The following PALM2AKAP2 variants were observed in gnomAD, a reference collection of about 807,000 sequenced individuals.
PALM2AKAP2 encodes PALM2-AKAP2 fusion protein.
A neutral mutation model predicts 71.5 loss-of-function variants in PALM2AKAP2; 37 were observed. The ratio of observed to expected loss-of-function variants is 0.52; its 90% CI spans 0.40 to 0.68. The LOEUF (loss-of-function observed/expected upper bound fraction) is 0.68, where lower values mean the gene tolerates loss of function less well. Ranked by LOEUF, PALM2AKAP2 falls within the 30% of genes least tolerant of loss-of-function variation. The probability of loss-of-function intolerance (pLI) is 0.00; values close to 1 mark genes in which losing one functional copy is unlikely to be tolerated. For missense variants in PALM2AKAP2, 1,224 were observed against 1,191.8 expected (o/e 1.03, Z -0.40); for synonymous variants, 468 against 478.8 (o/e 0.98, Z 0.29).
chr9:109,922,421 C>CAAAAAAAAAAA (rs398011831), intron 3 of PALM2AKAP2, among the ~76,000 whole-genome samples: 2 of 19,238 alleles, frequency 1.0e-4, no homozygotes, highest in African/African-American at 2.1e-4. Context: ...GACTCTATCT[C>CAAAAAAAAAAA]AAAAAAAAAA....
At position 110,126,809 on chromosome 9, in the gene PALM2AKAP2, A is replaced by G. The variant is rs533038929; in HGVS notation, c.157-9318A>G. On this transcript the variant is annotated intron_variant, in intron 1 of 3. Transcript: ENST00000374525. ...TTCTTTCACAGAAAGCCCAAGCTGT[A>G]AATATATTCATCAAATAACACCTTA... Among the ~76,000 whole-genome samples the G allele has an allele frequency of 2.0e-5, 3 of 152,342 alleles. No individual in the cohort carries two copies. The South Asian group carries it at 6.2e-4, about 32-fold the overall frequency.
chr9:109,864,689 A>G (rs1022845513), intron 1 of PALM2AKAP2, among the ~76,000 whole-genome samples: 3 of 152,226 alleles, frequency 2.0e-5, no homozygotes, highest in Non-Finnish European at 4.4e-5. Flanking sequence ...TTGAACTACA[A>G]TGGTAGCATT....
Position 109,864,226 on chromosome 9 carries a change from C to T in PALM2AKAP2, c.46-3265C>T, listed in dbSNP as rs142281148. On this transcript the variant is annotated intron_variant, in intron 1 of 9. Transcript: ENST00000302798. ...GCTGCCTGGTTGTATGTGCTAACAACTGCTTAGTTCCAAATTCTAACCCAA... is the reference window on the plus strand; with the variant it reads ...GCTGCCTGGTTGTATGTGCTAACAATTGCTTAGTTCCAAATTCTAACCCAA... 4.4e-4 allele frequency among the ~76,000 whole-genome samples: 67 copies of T among 152,324 alleles called. 1 individual carries two copies. The East Asian group carries it at 0.011, about 26-fold the overall frequency.
chr9:109,914,876 A>G (rs1240880773), intron 3 of PALM2AKAP2, among the ~76,000 whole-genome samples: 1 of 152,112 alleles, frequency 6.6e-6, no homozygotes, highest in Non-Finnish European at 1.5e-5. Context: ...GGGTCCTGAG[A>G]ATTTTGTGAG....
At chr9:110,109,740 C>G (rs954551554) in intron 1 of PALM2AKAP2, among the ~76,000 whole-genome samples, 6 of 152,020 alleles carry the variant, frequency 3.9e-5, no homozygotes, top group Admixed American at 2.6e-4. Flanking sequence ...AAGGGCATGC[C>G]TATGTGGAGG....
intron 1 of PALM2AKAP2, among the ~76,000 whole-genome samples, chr9:109,741,450 T>C (rs923232317): frequency 6.6e-6 from 1 of 152,330 alleles, no homozygotes; most frequent in Middle Eastern, 3.4e-3. Flanking sequence ...GCATATACGT[T>C]TGCATTTCTC....
intron 1 of PALM2AKAP2, among the ~76,000 whole-genome samples, chr9:109,839,045 A>G (rs1828573881): frequency 6.6e-6 from 1 of 152,236 alleles, no homozygotes; most frequent in Non-Finnish European, 1.5e-5. Flanking sequence ...TGAGGCCAGC[A>G]TCATCCTGAT....
chr9:109,997,153 G>C (rs1832590300), intron 6 of PALM2AKAP2, among the ~76,000 whole-genome samples: 1 of 152,146 alleles, frequency 6.6e-6, no homozygotes, highest in Non-Finnish European at 1.5e-5. Flanking sequence ...TCACGCCACT[G>C]CATGCCAGCC....
intron 3 of PALM2AKAP2, among the ~76,000 whole-genome samples, chr9:109,922,922 T>TG (rs1320925305): frequency 6.6e-6 from 1 of 152,232 alleles, no homozygotes; most frequent in Admixed American, 6.5e-5. Context: ...GGGGATTCCC[T>TG]ACTCACAGGG....
At chr9:109,768,029 G>T (rs1464121908) in intron 1 of PALM2AKAP2, among the ~76,000 whole-genome samples, 1 of 63,260 alleles carries the variant, frequency 1.6e-5, no homozygotes, top group Non-Finnish European at 2.5e-5. Flanking sequence ...AGGAAGGAAG[G>T]AAAGAAAAAG....
At chr9:109,683,918 C>A (rs1472368684) in intron 1 of PALM2AKAP2, among the ~76,000 whole-genome samples, 3 of 151,306 alleles carry the variant, frequency 2.0e-5, no homozygotes, top group African/African-American at 2.4e-5. Context: ...ATAATGATCC[C>A]CATTTTACAG....
intron 1 of PALM2AKAP2, among the ~76,000 whole-genome samples, chr9:110,058,445 G>A (rs1833892304): frequency 6.6e-6 from 1 of 152,178 alleles, no homozygotes; most frequent in Admixed American, 6.5e-5. Context: ...CCTGGCAACA[G>A]TGCCTTCTGT....
intron 7 of PALM2AKAP2, among the ~76,000 whole-genome samples, chr9:110,033,368 C>T (rs1833321449): frequency 6.6e-6 from 1 of 152,234 alleles, no homozygotes; most frequent in Non-Finnish European, 1.5e-5. Flanking sequence ...AATCCTATAA[C>T]AGTCATTGAC....
intron 6 of PALM2AKAP2, among the ~76,000 whole-genome samples, chr9:110,014,507 T>C (rs187602928): frequency 1.3e-5 from 2 of 152,074 alleles, no homozygotes; most frequent in African/African-American, 4.8e-5. Context: ...GCACAGTGGC[T>C]CACTCCTGTA....
intron 1 of PALM2AKAP2, among the ~76,000 whole-genome samples, chr9:109,829,397 A>T (rs1309317508): frequency 6.6e-6 from 1 of 152,116 alleles, no homozygotes; most frequent in African/African-American, 2.4e-5. Context: ...AGCCTTAAGG[A>T]CTAGAGAGTG....
chr9:110,126,110 G>T (rs1835599854), intron 1 of PALM2AKAP2, among the ~76,000 whole-genome samples: 2 of 152,318 alleles, frequency 1.3e-5, no homozygotes, highest in African/African-American at 4.8e-5. Flanking sequence ...TGGGGGGAAT[G>T]TGTGGTGCTT....
chr9:109,730,138 A>G (rs1828533834), intron 1 of PALM2AKAP2, among the ~76,000 whole-genome samples: 2 of 152,218 alleles, frequency 1.3e-5, no homozygotes, highest in Non-Finnish European at 2.9e-5. Context: ...AAAGAGGAGT[A>G]ATAGGAGAAA....
At chr9:109,872,384 G>A (rs1829621504) in intron 2 of PALM2AKAP2, among the ~76,000 whole-genome samples, 1 of 151,948 alleles carries the variant, frequency 6.6e-6, no homozygotes, top group Non-Finnish European at 1.5e-5. Context: ...TATTTTATTG[G>A]TCTGTTCAAA....
chr9:110,168,414 C>T lies in PALM2AKAP2; in HGVS notation c.2764C>T (p.Arg922Trp), dbSNP rs369319969. The change falls in exon 4 of 4, where the codon CGG becomes TGG. Residue 922 changes from arginine to tryptophan, a missense_variant. By Grantham distance (101) the Arg-to-Trp change is moderately radical (BLOSUM62 -3). Transcript: ENST00000374525. ...CTCTTTACAGGTCCTCGAGGCCACACGGGTTAATCGAAGAAAGAGCGCACT... is the reference window on the plus strand; with the variant it reads ...CTCTTTACAGGTCCTCGAGGCCACATGGGTTAATCGAAGAAAGAGCGCACT... 113 of 1,613,978 alleles carry T rather than the reference C, an allele frequency of 7.0e-5. No individual in the cohort carries two copies. Among genetic ancestry groups the T allele is most frequent in the Middle Eastern group, 1.6e-4 (1 of 6,084 alleles).
Sources: gnomAD v4.1 joint callset for allele counts (sites outside exome capture counted in the v4.1 genomes callset) on GRCh38, gnomAD v4.1.1 for gene constraint, MANE v1.5 for transcripts, NCBI Gene and HGNC (gene_info 2026-07-23, HGNC 2026-07-21) for gene names.